The following MTMR7 variants were observed in gnomAD, a reference collection of about 807,000 sequenced individuals.
MTMR7 encodes the protein phosphatidylinositol-3-phosphate phosphatase MTMR7.
Under a neutral mutation model 81.2 loss-of-function variants are expected in MTMR7, and 76 were observed. That is an observed-to-expected ratio of 0.94 (90% CI 0.78 to 1.13). MTMR7 has a LOEUF of 1.13. Ranked by LOEUF, MTMR7 falls within the 50% of genes most tolerant of loss-of-function variation. MTMR7 has a pLI of 0.00. For synonymous variants in MTMR7, 372 were observed against 289.8 expected (o/e 1.28, Z -2.88); for missense variants, 1,044 against 820.0 (o/e 1.27, Z -3.34).
chr8:17,379,025 C>A (rs1380239967), intron 1 of MTMR7, among the ~76,000 whole-genome samples: 2 of 152,126 alleles, frequency 1.3e-5, no homozygotes, highest in African/African-American at 2.4e-5. Context: ...CAGAAAAGCA[C>A]AGAAACAAAG....
In MTMR7 at chr8:17,298,417, G is replaced by A. The variant is rs1254627700; in HGVS notation, c.*1445C>T. 6.6e-6 allele frequency: 1 copy of A among 151,776 alleles called. No homozygotes were observed. Among genetic ancestry groups the A allele is most frequent in the Admixed American group, 6.6e-5 (1 of 15,232 alleles). 9.4% of individuals were successfully genotyped at this position (151,776 alleles called of 1,614,324 possible). On this transcript the variant is annotated 3_prime_UTR_variant, in exon 14 of 14. Coordinates refer to ENST00000180173, the MANE Select transcript of MTMR7 (RefSeq NM_004686.5). Reference sequence around the variant, plus strand: ...TATATTCTATATTTTTAAATATGATGAACACAATTAAATGTTTTCATTTAT... The same window carrying A: ...TATATTCTATATTTTTAAATATGATAAACACAATTAAATGTTTTCATTTAT...
intron 1 of MTMR7, among the ~76,000 whole-genome samples, chr8:17,407,304 C>A (rs1821616372): frequency 6.6e-6 from 1 of 152,000 alleles, no homozygotes; most frequent in African/African-American, 2.4e-5. Context: ...GTGCTATTCT[C>A]CCCTTTAAAT....
chr8:17,400,556 C>T (rs1255597743), intron 1 of MTMR7, among the ~76,000 whole-genome samples: 1 of 152,148 alleles, frequency 6.6e-6, no homozygotes, highest in Admixed American at 6.5e-5. Flanking sequence ...AATGGGCTAC[C>T]TCTACATTAT....
intron 7 of MTMR7, among the ~76,000 whole-genome samples, chr8:17,327,233 T>G (rs2285276): frequency 0.37 from 55,600 of 152,058 alleles, 14,530 homozygotes; most frequent in African/African-American, 0.74. Flanking sequence ...ATTCTACTAT[T>G]ATAAATAAAA....
chr8:17,323,147 C>T (rs531463048), intron 7 of MTMR7, among the ~76,000 whole-genome samples: 1 of 151,740 alleles, frequency 6.6e-6, no homozygotes, highest in East Asian at 2.0e-4. Context: ...GGGGTTTCAC[C>T]ATGTCGGACA....
chr8:17,358,237 AAACT>A (rs1819954308), intron 4 of MTMR7, among the ~76,000 whole-genome samples: 1 of 152,204 alleles, frequency 6.6e-6, no homozygotes, highest in Admixed American at 6.5e-5. Context: ...TCCACCAAGC[AAACT>A]CTGACAAAGA....
Position 17,341,449 on chromosome 8 carries a change from A to C in MTMR7, c.646T>G (p.Cys216Gly). ...TGGAGCATCTGCTCGTCCTCTAGGC[A>C]CCGGGCACTGAAGCCGGACAGGGGC... is the stretch of plus-strand genomic sequence containing the variant. ...SQPLSGFSAR[C>G]LEDEQMLQAI... Residue 216 changes from cysteine to glycine, a missense_variant, in exon 6 of 14, where the codon TGC becomes GGC. Cys to Gly is a radical substitution (Grantham distance 159). Coordinates refer to ENST00000180173, the MANE Select transcript of MTMR7 (RefSeq NM_004686.5). The C allele has an allele frequency of 1.2e-6, 2 of 1,614,114 alleles. No homozygotes were observed. Among genetic ancestry groups the C allele is most frequent in the Non-Finnish European group, 1.7e-6 (2 of 1,180,022 alleles).
intron 10 of MTMR7, among the ~76,000 whole-genome samples, chr8:17,307,651 A>G (rs1586147493): frequency 6.6e-6 from 1 of 152,214 alleles, no homozygotes; most frequent in South Asian, 2.1e-4. Context: ...GTCCAACAAC[A>G]ATAGCCTGGA....
chr8:17,363,206 T>C (rs1389701183), intron 3 of MTMR7, among the ~76,000 whole-genome samples: 5 of 152,222 alleles, frequency 3.3e-5, no homozygotes, highest in African/African-American at 9.6e-5. Flanking sequence ...TGGCTCAACA[T>C]TGACACATCT....
At chr8:17,405,144 G>A (rs574574104) in intron 1 of MTMR7, among the ~76,000 whole-genome samples, 15 of 152,300 alleles carry the variant, frequency 9.8e-5, no homozygotes, top group South Asian at 4.1e-4. Flanking sequence ...GAGCCACTGC[G>A]CCCAGCCTAT....
At chr8:17,379,465 C>T (rs1475654446) in intron 1 of MTMR7, among the ~76,000 whole-genome samples, 1 of 152,142 alleles carries the variant, frequency 6.6e-6, no homozygotes, top group Non-Finnish European at 1.5e-5. Context: ...TTGTGATACA[C>T]ACGGGAAATA....
chr8:17,364,099 G>A (rs889634045), intron 3 of MTMR7, among the ~76,000 whole-genome samples: 2 of 137,254 alleles, frequency 1.5e-5, no homozygotes, highest in Non-Finnish European at 3.0e-5. Flanking sequence ...GCGCGATCTC[G>A]GCTCACTGCA....
intron 3 of MTMR7, among the ~76,000 whole-genome samples, chr8:17,369,758 G>A (rs1478046984): frequency 6.9e-6 from 1 of 145,798 alleles, no homozygotes; most frequent in Non-Finnish European, 1.5e-5. Context: ...CCATCCTCCT[G>A]CCTCAGCCTC....
intron 2 of MTMR7, among the ~76,000 whole-genome samples, chr8:17,372,840 A>C (rs1820461297): frequency 6.6e-6 from 1 of 152,048 alleles, no homozygotes; most frequent in African/African-American, 2.4e-5. Context: ...GACATTATTG[A>C]ATCTCTCCTT....
At chr8:17,356,668 C>T (rs1361979682) in intron 4 of MTMR7, among the ~76,000 whole-genome samples, 3 of 152,108 alleles carry the variant, frequency 2.0e-5, no homozygotes, top group Non-Finnish European at 4.4e-5. Flanking sequence ...GAGCTGAGAT[C>T]GCCCCACTGT....
intron 7 of MTMR7, among the ~76,000 whole-genome samples, chr8:17,321,959 A>G (rs1818410096): frequency 6.6e-6 from 1 of 152,194 alleles, no homozygotes; most frequent in Non-Finnish European, 1.5e-5. Context: ...TGCCTTAGGT[A>G]TTTCCTATAC....
chr8:17,310,049 G>A (rs1817697204), intron 9 of MTMR7, among the ~76,000 whole-genome samples: 1 of 152,066 alleles, frequency 6.6e-6, no homozygotes, highest in Non-Finnish European at 1.5e-5. Context: ...CACGTAGGCT[G>A]GAGTGCAGTG....
At chr8:17,316,464 TAA>T (rs3040963) in intron 7 of MTMR7, among the ~76,000 whole-genome samples, 142 of 143,466 alleles carry the variant, frequency 9.9e-4, no homozygotes, top group Admixed American at 2.5e-3. Flanking sequence ...AACAGTACAG[TAA>T]AAAAAAAAAA....
intron 6 of MTMR7, chr8:17,338,636 A>G (rs1353793048): frequency 6.6e-6 from 1 of 152,218 alleles, no homozygotes. Flanking sequence ...TTTAAACACA[A>G]TGAGCCAGAG....
Sources: gnomAD v4.1 joint callset for allele counts (sites outside exome capture counted in the v4.1 genomes callset) on GRCh38, gnomAD v4.1.1 for gene constraint, MANE v1.5 for transcripts, NCBI Gene and HGNC (gene_info 2026-07-23, HGNC 2026-07-21) for gene names.